PLXNC1: variants seen among roughly 807,000 people sequenced by gnomAD.
PLXNC1 encodes plexin C1.
In PLXNC1, 75 loss-of-function variants were observed where a neutral mutation model predicts 178.2. That is an observed-to-expected ratio of 0.42 (90% CI 0.35 to 0.51). The LOEUF (loss-of-function observed/expected upper bound fraction) is 0.51, where lower values mean the gene tolerates loss of function less well. Ranked by LOEUF, PLXNC1 falls within the 20% of genes least tolerant of loss-of-function variation. The pLI is 0.02. For missense variants in PLXNC1, 1,503 were observed against 1,984.4 expected, an observed-to-expected ratio of 0.76 and a Z score of 4.61; for synonymous variants, 790 against 779.9, an observed-to-expected ratio of 1.01 and a Z score of -0.22.
chr12:94,235,833 G>C (rs929208692), intron 9 of PLXNC1, among the ~76,000 whole-genome samples: 43 of 152,266 alleles, frequency 2.8e-4, no homozygotes, highest in African/African-American at 9.9e-4. Flanking sequence ...AAAGCAGGTA[G>C]CGGGCAGGAT....
chr12:94,235,602 G>A (rs764649265), intron 9 of PLXNC1, among the ~76,000 whole-genome samples: 2 of 152,162 alleles, frequency 1.3e-5, no homozygotes, highest in Non-Finnish European at 2.9e-5. Context: ...CTAGAGCAGA[G>A]GTCGGCAAAT....
chr12:94,307,642 A>G lies in PLXNC1; in HGVS notation c.*2357A>G, dbSNP rs1969194594. 6.6e-6 allele frequency: 1 copy of G among 151,262 alleles called. No individual in the cohort carries two copies. The highest frequency in any genetic ancestry group is 1.5e-5 in the Non-Finnish European group (1 of 67,904). The allele number at this position is 151,262 out of a possible 1,614,324, so 9.4% of individuals were successfully genotyped here. ...TTGGAGATGAATGTTTTAAATGTCT[A>G]TATCCAAAAAATAAACATTTTGATG... On this transcript the variant is annotated 3_prime_UTR_variant, in exon 31 of 31. Coordinates refer to ENST00000258526, the MANE Select transcript of PLXNC1 (RefSeq NM_005761.3).
chr12:94,282,243 G>A, intron 22 of PLXNC1, 55 bp from the exon 23 acceptor site: 1 of 1,213,124 alleles, frequency 8.2e-7, no homozygotes, highest in Non-Finnish European at 1.2e-6. Flanking sequence ...ATTTGTGAAA[G>A]TAAAGTGGTG....
At position 94,177,455 on chromosome 12, in the gene PLXNC1, G is replaced by A. The variant is rs1479373783; in HGVS notation, c.1204-3991G>A. Among the ~76,000 whole-genome samples the A allele has an allele frequency of 4.0e-5, 6 of 149,940 alleles. No homozygotes were observed. The East Asian group carries it at 1.2e-3, about 29-fold the overall frequency. On this transcript the variant is annotated intron_variant, in intron 2 of 30. Transcript: ENST00000258526. ...TTCAGGAAACTGATTGGTAAATCCT[G>A]GGCCACAGAACTTTTTGATAACTTG... is the stretch of plus-strand genomic sequence containing the variant.
intron 28 of PLXNC1, 120 bp from the exon 29 acceptor site, chr12:94,303,636 G>A: frequency 1.2e-6 from 1 of 810,300 alleles, no homozygotes; most frequent in Non-Finnish European, 1.8e-6. Flanking sequence ...TTAGCAAGAG[G>A]TAAAACTGGT....
Position 94,199,455 on chromosome 12 carries a change from T to G in PLXNC1, c.1440-10135T>G, listed in dbSNP as rs77106229. Reference sequence around the variant, plus strand: ...ACAACTGTCTGTGGGGTGGAAGCGGTGGGGAGCAAAGAGGAATATGTCCTT... The same window carrying G: ...ACAACTGTCTGTGGGGTGGAAGCGGGGGGGAGCAAAGAGGAATATGTCCTT... On this transcript the variant is annotated intron_variant, in intron 4 of 30. Coordinates refer to ENST00000258526, the MANE Select transcript of PLXNC1 (RefSeq NM_005761.3). Among the ~76,000 whole-genome samples, 1,095 of 150,780 alleles carry G rather than the reference T, an allele frequency of 7.3e-3. 97 individuals carry two copies. In the East Asian group the frequency reaches 0.19, roughly 26 times the overall value.
intron 4 of PLXNC1, among the ~76,000 whole-genome samples, chr12:94,208,997 A>C (rs1305372276): frequency 6.6e-6 from 1 of 152,238 alleles, no homozygotes; most frequent in Non-Finnish European, 1.5e-5. Context: ...TTTTGATATA[A>C]TTTGGTATCT....
rs1291564121 is a variant in PLXNC1 at position 94,254,621 on chromosome 12, A to G, written c.2882-166A>G. ...CCTCACTGGGAAATTTTCTTATAAG[A>G]TCCAGCTTTTTAATGCTATTTTCTA... On this transcript the variant is annotated intron_variant, in intron 15 of 30. Coordinates refer to ENST00000258526, the MANE Select transcript of PLXNC1 (RefSeq NM_005761.3). 8 of 708,940 alleles carry G rather than the reference A, an allele frequency of 1.1e-5. No individual in the cohort carries two copies. The Admixed American group carries it at 1.6e-4, about 15-fold the overall frequency. 43.9% of individuals were successfully genotyped at this position (708,940 alleles called of 1,614,324 possible).
chr12:94,175,466 G>A lies in PLXNC1; in HGVS notation c.1204-5980G>A, dbSNP rs1030222090. ...TGATATCCTTCCTGTGGGTGATCTTGAACCTGTCTTACAATTGTATGGTGT... is the reference window on the plus strand; with the variant it reads ...TGATATCCTTCCTGTGGGTGATCTTAAACCTGTCTTACAATTGTATGGTGT... On this transcript the variant is annotated intron_variant, in intron 2 of 30. Transcript: ENST00000258526. 4.3e-4 allele frequency among the ~76,000 whole-genome samples: 65 copies of A among 152,132 alleles called. 1 individual carries two copies. Among genetic ancestry groups the A allele is most frequent in the African/African-American group, 1.5e-3 (61 of 41,474 alleles).
intron 21 of PLXNC1, chr12:94,277,155 T>G (rs770218602): frequency 6.6e-6 from 1 of 152,218 alleles, no homozygotes; most frequent in Non-Finnish European, 1.5e-5. Context: ...TGGTGTCCTG[T>G]GAGAGCCCCC....
At chr12:94,296,630 T>C (rs1289852393) in intron 24 of PLXNC1, among the ~76,000 whole-genome samples, 1 of 152,210 alleles carries the variant, frequency 6.6e-6, no homozygotes, top group African/African-American at 2.4e-5. Flanking sequence ...CTTCCTACCT[T>C]TGGACCTTCC....
intron 1 of PLXNC1, among the ~76,000 whole-genome samples, chr12:94,164,054 A>T (rs1961496374): frequency 6.6e-6 from 1 of 152,048 alleles, no homozygotes; most frequent in Non-Finnish European, 1.5e-5. Context: ...GGTTCAGGAG[A>T]CTTAACTTGC....
At chr12:94,294,731 C>CT (rs748559898) in intron 24 of PLXNC1, among the ~76,000 whole-genome samples, 191 bp downstream of exon 24, 6 of 152,216 alleles carry the variant, frequency 3.9e-5, no homozygotes, top group Non-Finnish European at 8.8e-5. Flanking sequence ...GGAAAGGAAA[C>CT]TATAGATGGT....
chr12:94,238,364 C>T (rs1964295589), intron 10 of PLXNC1, among the ~76,000 whole-genome samples: 1 of 152,102 alleles, frequency 6.6e-6, no homozygotes, highest in African/African-American at 2.4e-5. Context: ...AATATCTGGT[C>T]AATGTATCTC....
intron 2 of PLXNC1, among the ~76,000 whole-genome samples, chr12:94,177,171 ATATACG>A (rs1359503725): frequency 1.7e-5 from 1 of 58,818 alleles, no homozygotes; most frequent in Admixed American, 1.9e-4. Flanking sequence ...GTATATATAT[ATATACG>A]TATATATATG....
chr12:94,260,910 C>A lies in PLXNC1; in HGVS notation c.3450+70C>A. The stretch of plus-strand genomic sequence containing the variant: ...CAGTTATTTTTAGCGGACTCTGATG[C>A]CTTTGCCAGGATAAATCCTGAATGC... On this transcript the variant is annotated intron_variant, in intron 20 of 30. Transcript: ENST00000258526. This position sits in a 1 kb window ranked among gnomAD's most constrained non-coding sequence, Gnocchi z 4.4. 1.5e-6 allele frequency: 2 copies of A among 1,315,398 alleles called. No individual in the cohort carries two copies. Among genetic ancestry groups the A allele is most frequent in the Non-Finnish European group, 2.2e-6 (2 of 923,368 alleles). 81.5% of individuals were successfully genotyped at this position (1,315,398 alleles called of 1,614,324 possible).
chr12:94,243,702 A>C (rs1964451556), intron 11 of PLXNC1, among the ~76,000 whole-genome samples: 1 of 152,248 alleles, frequency 6.6e-6, no homozygotes, highest in South Asian at 2.1e-4. Context: ...CCTAGAATTA[A>C]AATAGGATCT....
At chr12:94,247,081 T>TTA (rs1327032724) in intron 12 of PLXNC1, among the ~76,000 whole-genome samples, 2 of 152,094 alleles carry the variant, frequency 1.3e-5, no homozygotes, top group African/African-American at 2.4e-5. Flanking sequence ...ATTTTATTTT[T>TTA]TATATATATA....
chr12:94,154,245 C>T (rs1961072443), intron 1 of PLXNC1, among the ~76,000 whole-genome samples: 1 of 152,060 alleles, frequency 6.6e-6, no homozygotes, highest in Non-Finnish European at 1.5e-5. Context: ...AAATTAAGGC[C>T]CAGAGAGCTT....
Sources: gnomAD v4.1 joint callset for allele counts (sites outside exome capture counted in the v4.1 genomes callset) on GRCh38, gnomAD v4.1.1 for gene constraint, Gnocchi (gnomAD v3.1) non-coding constraint, MANE v1.5 for transcripts, NCBI Gene and HGNC (gene_info 2026-07-23, HGNC 2026-07-21) for gene names.